The following RBFOX1 variants were observed in gnomAD, a reference collection of about 807,000 sequenced individuals.
RBFOX1 encodes RNA binding protein fox-1 homolog 1.
RBFOX1 carries 8 observed loss-of-function variants against 57.7 expected under a neutral mutation model. The ratio of observed to expected loss-of-function variants is 0.14; its 90% confidence interval spans 0.08 to 0.25. RBFOX1 has a LOEUF of 0.25. RBFOX1 is among the 10% of genes least tolerant of loss of function. The pLI, the probability that RBFOX1 is intolerant of heterozygous loss-of-function variation, is 1.00. For synonymous variants in RBFOX1, 326 were observed against 222.4 expected (o/e 1.47, Z -4.15); for missense variants, 611 against 548.5 (o/e 1.11, Z -1.14).
At chr16:6,536,776 C>G (rs1396784111) in intron 2 of RBFOX1, among the ~76,000 whole-genome samples, 1 of 152,040 alleles carries the variant, frequency 6.6e-6, no homozygotes, top group African/African-American at 2.4e-5. Context: ...ATTAACAATA[C>G]AAGAAGTTAG....
intron 3 of RBFOX1, among the ~76,000 whole-genome samples, chr16:5,649,127 A>G (rs1456573251): frequency 2.0e-5 from 3 of 151,984 alleles, no homozygotes; most frequent in African/African-American, 7.3e-5. Flanking sequence ...ATACACACAT[A>G]TATACATACA....
intron 3 of RBFOX1, among the ~76,000 whole-genome samples, chr16:5,738,605 G>T (rs943627423): frequency 6.5e-5 from 9 of 138,730 alleles, no homozygotes; most frequent in Non-Finnish European, 9.1e-5. Context: ...CTGTACTGCA[G>T]CCTGGGCGAC....
At chr16:5,547,001 G>A (rs1208783175) in intron 2 of RBFOX1, among the ~76,000 whole-genome samples, 5 of 152,122 alleles carry the variant, frequency 3.3e-5, no homozygotes, top group Admixed American at 3.3e-4. Context: ...ATGAAAACTT[G>A]TTCAACATCA....
chr16:7,434,849 C>G (rs900528857), intron 4 of RBFOX1, among the ~76,000 whole-genome samples: 6 of 151,852 alleles, frequency 4.0e-5, no homozygotes, highest in Non-Finnish European at 1.5e-5. Flanking sequence ...AAGTGATTCT[C>G]TAGCCTCAGC....
intron 4 of RBFOX1, among the ~76,000 whole-genome samples, chr16:7,341,019 G>C (rs1487206620): frequency 1.3e-5 from 2 of 152,178 alleles, no homozygotes; most frequent in Non-Finnish European, 2.9e-5. Context: ...GGCAATGTGA[G>C]CTTTTGATGG....
Position 5,527,220 on chromosome 16 carries a change from C to T in RBFOX1, c.258+59966C>T, listed in dbSNP as rs887614780. 6.6e-5 allele frequency among the ~76,000 whole-genome samples: 10 copies of T among 152,152 alleles called. No individual in the cohort carries two copies. The South Asian group carries it at 8.3e-4, about 13-fold the overall frequency. ...CTGCTGTGTTGTCCTGATGAGGACC[C>T]GCGATGGGCCCTGGGAATTCCAGAG... On this transcript the variant is annotated intron_variant, in intron 2 of 2. Transcript: ENST00000585867.
At chr16:7,031,167 A>C (rs991855379) in intron 3 of RBFOX1, among the ~76,000 whole-genome samples, 1 of 152,202 alleles carries the variant, frequency 6.6e-6, no homozygotes, top group African/African-American at 2.4e-5. Context: ...TTGCATGTAG[A>C]GAGTCAGCAA....
chr16:5,916,733 C>T (rs1195229078), intron 4 of RBFOX1, among the ~76,000 whole-genome samples: 1 of 152,114 alleles, frequency 6.6e-6, no homozygotes, highest in African/African-American at 2.4e-5. Flanking sequence ...ACCCCCCACA[C>T]TAAGCTGCTT....
intron 3 of RBFOX1, among the ~76,000 whole-genome samples, chr16:5,801,319 G>A (rs2055047568): frequency 6.9e-6 from 1 of 144,292 alleles, no homozygotes; most frequent in Non-Finnish European, 1.5e-5. Flanking sequence ...GTCTCTATCT[G>A]CCTCTCTCTC....
At chr16:5,247,830 G>A (rs2062340805) in intron 1 of RBFOX1, among the ~76,000 whole-genome samples, 1 of 152,180 alleles carries the variant, frequency 6.6e-6, no homozygotes. Context: ...AGGCGGCCAT[G>A]AGTCCAGCCA....
intron 1 of RBFOX1, among the ~76,000 whole-genome samples, chr16:5,421,256 C>T (rs1024281380): frequency 1.3e-5 from 2 of 152,080 alleles, no homozygotes; most frequent in Non-Finnish European, 2.9e-5. Flanking sequence ...GATCCCCTGC[C>T]TCAGTCTCCC....
intron 2 of RBFOX1, among the ~76,000 whole-genome samples, chr16:6,648,308 G>A: frequency 6.6e-6 from 1 of 151,840 alleles, no homozygotes; most frequent in South Asian, 2.1e-4. Context: ...CGATCCTCTG[G>A]ACTCGGCCTC....
intron 1 of RBFOX1, among the ~76,000 whole-genome samples, chr16:6,082,782 T>A (rs905036448): frequency 6.6e-6 from 1 of 152,134 alleles, no homozygotes; most frequent in Admixed American, 6.6e-5. Flanking sequence ...ACCCTGAGGA[T>A]ATCAGTTTGG....
chr16:7,488,750 A>G (rs1039958690), intron 4 of RBFOX1, among the ~76,000 whole-genome samples: 3 of 148,034 alleles, frequency 2.0e-5, no homozygotes, highest in Non-Finnish European at 4.4e-5. Flanking sequence ...TCTACTATCT[A>G]CCTATCACTT....
chr16:6,061,488 C>T (rs2095685894), intron 1 of RBFOX1, among the ~76,000 whole-genome samples: 1 of 151,216 alleles, frequency 6.6e-6, no homozygotes, highest in Non-Finnish European at 1.5e-5. Flanking sequence ...CATTGTATAA[C>T]ATATAATGGT....
chr16:5,308,293 C>T (rs1336583081), intron 1 of RBFOX1, among the ~76,000 whole-genome samples: 1 of 151,578 alleles, frequency 6.6e-6, no homozygotes, highest in Non-Finnish European at 1.5e-5. Context: ...CGCCACTACA[C>T]TCTAGCCTGG....
intron 2 of RBFOX1, among the ~76,000 whole-genome samples, chr16:5,473,264 G>A (rs1234442143): frequency 6.6e-6 from 1 of 151,940 alleles, no homozygotes; most frequent in Non-Finnish European, 1.5e-5. Flanking sequence ...TCCTGGGCAT[G>A]GCATATAATG....
intron 4 of RBFOX1, among the ~76,000 whole-genome samples, chr16:5,952,017 G>GCA (rs201739721): frequency 2.0e-5 from 3 of 148,340 alleles, no homozygotes; most frequent in African/African-American, 7.5e-5. Context: ...ATATATATAT[G>GCA]CACACACACA....
At chr16:7,316,634 T>C (rs940778668) in intron 4 of RBFOX1, among the ~76,000 whole-genome samples, 2 of 152,132 alleles carry the variant, frequency 1.3e-5, no homozygotes, top group African/African-American at 4.8e-5. Context: ...AACTGTGCCT[T>C]GCCAGGTGTG....
Sources: allele counts gnomAD v4.1 joint callset (sites outside exome capture counted in the v4.1 genomes callset), GRCh38; gene constraint gnomAD v4.1.1; transcripts MANE v1.5; gene names NCBI Gene and HGNC (gene_info 2026-07-23, HGNC 2026-07-21).